KCND2: variants seen among roughly 807,000 people sequenced by gnomAD.
The protein encoded by KCND2 is A-type voltage-gated potassium channel KCND2.
In KCND2, 16 loss-of-function variants were observed where a neutral mutation model predicts 54.4. The ratio of observed to expected loss-of-function variants is 0.29; its 90% CI spans 0.20 to 0.45. KCND2 has a LOEUF of 0.45. Ranked by LOEUF, KCND2 falls within the 20% of genes least tolerant of loss-of-function variation. The probability of loss-of-function intolerance (pLI) is 1.00; values close to 1 mark genes in which losing one functional copy is unlikely to be tolerated. For synonymous variants in KCND2, 317 were observed against 310.7 expected (o/e 1.02, Z -0.21); for missense variants, 486 against 824.2 (o/e 0.59, Z 5.02).
At chr7:120,379,705 G>A (rs73431991) in intron 1 of KCND2, among the ~76,000 whole-genome samples, 4,324 of 151,948 alleles carry the variant, frequency 0.028, 193 homozygotes, top group African/African-American at 0.095. Flanking sequence ...AATGTGACTG[G>A]GGCAAATATG....
chr7:120,338,545 TTTA>T (rs1800184769), intron 1 of KCND2, among the ~76,000 whole-genome samples: 1 of 152,098 alleles, frequency 6.6e-6, no homozygotes, highest in Non-Finnish European at 1.5e-5. Flanking sequence ...CACGTTCTTT[TTTA>T]TTATTTTTTG....
At chr7:120,350,880 C>A (rs1421715958) in intron 1 of KCND2, among the ~76,000 whole-genome samples, 1 of 152,100 alleles carries the variant, frequency 6.6e-6, no homozygotes, top group Non-Finnish European at 1.5e-5. Context: ...TATATTTAAA[C>A]ATGAAATTAC....
chr7:120,697,053 G>A (rs1448934984), intron 1 of KCND2, among the ~76,000 whole-genome samples: 14 of 152,086 alleles, frequency 9.2e-5, no homozygotes, highest in Non-Finnish European at 2.9e-5. Flanking sequence ...TTGAATCTCT[G>A]AGTCAGTAAA....
At chr7:120,365,777 T>C (rs182737691) in intron 1 of KCND2, among the ~76,000 whole-genome samples, 194 of 152,254 alleles carry the variant, frequency 1.3e-3, no homozygotes, top group Admixed American at 4.5e-3. Flanking sequence ...AAAATGTACA[T>C]GTTCTAAATA....
intron 1 of KCND2, among the ~76,000 whole-genome samples, chr7:120,713,800 G>A (rs1203205913): frequency 6.6e-6 from 1 of 152,174 alleles, no homozygotes; most frequent in East Asian, 1.9e-4. Flanking sequence ...TATTAGTTAT[G>A]TGAGTTAGTC....
intron 1 of KCND2, among the ~76,000 whole-genome samples, chr7:120,696,319 A>G (rs137929996): frequency 2.0e-5 from 3 of 152,332 alleles, no homozygotes; most frequent in Admixed American, 1.3e-4. Flanking sequence ...GCATTTTGCT[A>G]AGACTGCCAG....
chr7:120,746,270 A>G (rs147769800), intron 5 of KCND2, among the ~76,000 whole-genome samples: 1 of 152,156 alleles, frequency 6.6e-6, no homozygotes, highest in Non-Finnish European at 1.5e-5. Flanking sequence ...GTGCACACAA[A>G]TGTGTTTTTC....
intron 1 of KCND2, among the ~76,000 whole-genome samples, chr7:120,478,329 C>T (rs979470830): frequency 2.6e-5 from 4 of 152,082 alleles, no homozygotes; most frequent in African/African-American, 4.8e-5. Context: ...TTTTCACTTA[C>T]GTCACACATT....
intron 1 of KCND2, among the ~76,000 whole-genome samples, chr7:120,600,106 G>C (rs553740417): frequency 2.6e-5 from 4 of 151,538 alleles, no homozygotes; most frequent in Non-Finnish European, 5.9e-5. Context: ...AAAGAACTTA[G>C]TAAGAGTCCA....
chr7:120,522,776 T>C (rs1791714652), intron 1 of KCND2, among the ~76,000 whole-genome samples: 1 of 152,190 alleles, frequency 6.6e-6, no homozygotes, highest in Admixed American at 6.5e-5. Flanking sequence ...CACTGCCAAG[T>C]CCTAGGTTCT....
intron 1 of KCND2, among the ~76,000 whole-genome samples, chr7:120,657,702 A>G (rs1386424016): frequency 6.6e-6 from 1 of 152,134 alleles, no homozygotes; most frequent in African/African-American, 2.4e-5. Flanking sequence ...AAAAAAGTTA[A>G]AAATTCACGG....
At position 120,671,922 on chromosome 7, in the gene KCND2, A is replaced by T. The variant is rs528160497; in HGVS notation, c.1116-60981A>T. 7.2e-5 allele frequency among the ~76,000 whole-genome samples: 11 copies of T among 152,272 alleles called. No individual in the cohort carries two copies. In the South Asian group the frequency reaches 2.3e-3, roughly 32 times the overall value. ...TTGATTATTTCTCATTCCTCAAAAC[A>T]TGCTTGCTAAAACTTCCTCAACTTA... is the stretch of plus-strand genomic sequence containing the variant. On this transcript the variant is annotated intron_variant, in intron 1 of 5. Transcript: ENST00000331113.
intron 1 of KCND2, among the ~76,000 whole-genome samples, chr7:120,571,216 C>T (rs1792361796): frequency 6.6e-6 from 1 of 152,146 alleles, no homozygotes; most frequent in Non-Finnish European, 1.5e-5. Flanking sequence ...TATATTTAGC[C>T]TTTATTTGTG....
chr7:120,678,777 T>TACACAC (rs1554385356), intron 1 of KCND2, among the ~76,000 whole-genome samples: 1 of 122,520 alleles, frequency 8.2e-6, no homozygotes, highest in African/African-American at 2.9e-5. Context: ...TATATATATA[T>TACACAC]ACACATAAAC....
chr7:120,524,594 A>T (rs539438659), intron 1 of KCND2, among the ~76,000 whole-genome samples: 1 of 152,234 alleles, frequency 6.6e-6, no homozygotes, highest in African/African-American at 2.4e-5. Flanking sequence ...TGACAGAAAG[A>T]TAATTGCTGA....
At chr7:120,602,229 T>C (rs926900874) in intron 1 of KCND2, among the ~76,000 whole-genome samples, 1 of 152,242 alleles carries the variant, frequency 6.6e-6, no homozygotes, top group Non-Finnish European at 1.5e-5. Flanking sequence ...GAGTATTAAA[T>C]GGGTTATTAT....
chr7:120,668,913 A>C (rs997589566), intron 1 of KCND2, among the ~76,000 whole-genome samples: 1 of 152,022 alleles, frequency 6.6e-6, no homozygotes, highest in Non-Finnish European at 1.5e-5. Flanking sequence ...GACCAGTTAC[A>C]AAATTTGATC....
intron 1 of KCND2, among the ~76,000 whole-genome samples, chr7:120,541,128 A>G (rs1265714366): frequency 6.6e-6 from 1 of 152,208 alleles, no homozygotes; most frequent in Non-Finnish European, 1.5e-5. Context: ...ATACACAGTC[A>G]TAAAATAGTC....
chr7:120,544,990 T>C (rs540076743), intron 1 of KCND2, among the ~76,000 whole-genome samples: 1 of 152,038 alleles, frequency 6.6e-6, no homozygotes, highest in African/African-American at 2.4e-5. Context: ...GAATATTCAG[T>C]ACTAGTAGTT....
Sources: gnomAD v4.1 joint callset for allele counts (sites outside exome capture counted in the v4.1 genomes callset) on GRCh38, gnomAD v4.1.1 for gene constraint, MANE v1.5 for transcripts, NCBI Gene and HGNC (gene_info 2026-07-23, HGNC 2026-07-21) for gene names.